Variants in IPO8 observed in about 807,000 individuals in gnomAD.
IPO8 encodes importin 8, also known as importin-8.
IPO8 carries 65 observed loss-of-function variants against 141.2 expected under a neutral mutation model. The ratio of observed to expected loss-of-function variants is 0.46; its 90% CI spans 0.38 to 0.57. The LOEUF is 0.57. Ranked by LOEUF, IPO8 falls within the 20% of genes least tolerant of loss-of-function variation. IPO8 has a pLI of 0.00. For missense variants in IPO8, 980 were observed against 1,246.8 expected, an observed-to-expected ratio of 0.79 and a Z score of 3.22; for synonymous variants, 411 against 420.3, an observed-to-expected ratio of 0.98 and a Z score of 0.27.
Position 30,661,364 on chromosome 12 carries a change from T to C in IPO8, c.1756-98A>G, listed in dbSNP as rs903952370. The C allele has an allele frequency of 3.6e-6, 4 of 1,113,348 alleles. No individual in the cohort carries two copies. The African/African-American group carries it at 6.5e-5, about 18-fold the overall frequency. The allele number at this position is 1,113,348 out of a possible 1,614,324, so 69.0% of individuals were successfully genotyped here. A position where few individuals can be genotyped will look rare whatever the true frequency, so the allele number is the denominator to read the frequency against. The stretch of plus-strand genomic sequence containing the variant: ...ATGGCAGTGTCACACATCTGAAGTC[T>C]GCATTGCTCAAACTTTGAAGTCTGC... On this transcript the variant is annotated intron_variant, in intron 15 of 24. Transcript: ENST00000256079.
At chr12:30,688,975 C>T (rs1365956678) in intron 2 of IPO8, among the ~76,000 whole-genome samples, 2 of 151,972 alleles carry the variant, frequency 1.3e-5, no homozygotes, top group Non-Finnish European at 2.9e-5. Context: ...CCATCAATAT[C>T]AAATCGTTTA....
chr12:30,661,870 T>C (rs1325459442), intron 15 of IPO8, among the ~76,000 whole-genome samples: 1 of 152,216 alleles, frequency 6.6e-6, no homozygotes, highest in African/African-American at 2.4e-5. Context: ...GAAATTATCC[T>C]AAATGTGATT....
intron 16 of IPO8, among the ~76,000 whole-genome samples, chr12:30,659,956 C>T (rs1478009310): frequency 6.6e-6 from 1 of 151,826 alleles, no homozygotes; most frequent in African/African-American, 2.4e-5. Context: ...GGCATGGCGG[C>T]TCATGCCTTT....
At chr12:30,685,920 A>AT (rs1565510801) in intron 2 of IPO8, among the ~76,000 whole-genome samples, 1 of 146,696 alleles carries the variant, frequency 6.8e-6, no homozygotes, top group Admixed American at 6.7e-5. Context: ...AAAAAAAAAA[A>AT]CTAAATTGGG....
chr12:30,681,869 T>C, intron 3 of IPO8, 52 bp from the exon 4 acceptor site: 1 of 1,441,940 alleles, frequency 6.9e-7, no homozygotes, highest in Non-Finnish European at 9.5e-7. Context: ...AAATACTGTG[T>C]TTCAAAGACC....
intron 3 of IPO8, 64 bp from the exon 4 acceptor site, chr12:30,681,881 CTAATATTT>C: frequency 1.5e-6 from 2 of 1,338,104 alleles, no homozygotes; most frequent in Non-Finnish European, 2.0e-6. Flanking sequence ...TCAAAGACCT[CTAATATTT>C]TACATAAAAG....
chr12:30,648,143 T>C (rs934447358), intron 20 of IPO8, among the ~76,000 whole-genome samples: 4 of 152,194 alleles, frequency 2.6e-5, no homozygotes, highest in Admixed American at 2.6e-4. Context: ...CCTAACAGCA[T>C]TATTCATAAT....
chr12:30,671,202 A>G (rs1287713363), intron 8 of IPO8, 106 bp from the exon 9 acceptor site: 1 of 684,328 alleles, frequency 1.5e-6, no homozygotes, highest in East Asian at 2.6e-5. Flanking sequence ...AGAAAAATAA[A>G]CAGATTTGGG....
At chr12:30,666,071 A>T (rs1051137715) in intron 11 of IPO8, 104 bp downstream of exon 11, 22 of 813,114 alleles carry the variant, frequency 2.7e-5, no homozygotes, top group Admixed American at 3.0e-5. Flanking sequence ...GTGACAAATT[A>T]TAACGAATAA....
intron 17 of IPO8, among the ~76,000 whole-genome samples, chr12:30,655,934 T>C (rs968402476): frequency 6.6e-6 from 1 of 152,232 alleles, no homozygotes; most frequent in African/African-American, 2.4e-5. Flanking sequence ...AATGCTTGAA[T>C]ACGATGGAAG....
intron 3 of IPO8, among the ~76,000 whole-genome samples, chr12:30,682,346 T>C (rs183234497): frequency 2.1e-3 from 323 of 152,224 alleles, no homozygotes; most frequent in Non-Finnish European, 3.1e-3. Context: ...TCCAAAGCAG[T>C]CTGAGATACT....
intron 4 of IPO8, among the ~76,000 whole-genome samples, chr12:30,681,342 C>T (rs1278096815): frequency 1.3e-5 from 2 of 152,132 alleles, no homozygotes; most frequent in African/African-American, 4.8e-5. Flanking sequence ...TTAATATACT[C>T]CCTAGAAGAC....
intron 16 of IPO8, among the ~76,000 whole-genome samples, chr12:30,658,046 A>AAGTT (rs1317681301): frequency 1.3e-5 from 2 of 152,220 alleles, no homozygotes; most frequent in African/African-American, 4.8e-5. Context: ...ATTTTAAAAT[A>AAGTT]AGTTAAAATC....
rs537380179 is a variant in IPO8, at chr12:30,670,994, T to C, written c.1012A>G (p.Ile338Val). ...NYLNQGVVHS[I>V]TWKQMKPHIQ... is the part of the protein sequence containing the mutation. ...TGTGGCTTCATCTGCTTCCAGGTTA[T>C]AGAATGAACCACCCCTTGGTTGAGA... The change falls in exon 9 of 25, where the codon ATA (isoleucine) becomes GTA (valine). Residue 338 changes from isoleucine to valine, a missense_variant. By Grantham distance (29) the Ile-to-Val change is conservative. Coordinates refer to ENST00000256079, the MANE Select transcript of IPO8 (RefSeq NM_006390.4). 5.6e-6 allele frequency: 9 copies of C among 1,613,892 alleles called. No homozygotes were observed. Among genetic ancestry groups the C allele is most frequent in the African/African-American group, 4.0e-5 (3 of 75,052 alleles).
chr12:30,677,029 A>G, intron 5 of IPO8: 11 of 1,527,266 alleles, frequency 7.2e-6, no homozygotes, highest in Non-Finnish European at 9.6e-6. Context: ...TTTGTACTAA[A>G]CAGATATATG....
intron 16 of IPO8, among the ~76,000 whole-genome samples, chr12:30,660,336 T>G (rs1249479975): frequency 6.6e-6 from 1 of 152,188 alleles, no homozygotes; most frequent in Non-Finnish European, 1.5e-5. Context: ...ACAGAAGCAA[T>G]GAACAAAAAT....
intron 2 of IPO8, chr12:30,686,661 T>C (rs2053245389): frequency 6.6e-6 from 1 of 152,134 alleles, no homozygotes; most frequent in Non-Finnish European, 1.5e-5. Context: ...AGGATCAATC[T>C]TTGCAAAAAG....
chr12:30,686,653 GATCA>G (rs1162136082), intron 2 of IPO8: 2 of 151,986 alleles, frequency 1.3e-5, no homozygotes, highest in Non-Finnish European at 2.9e-5. Flanking sequence ...GATTTCACAG[GATCA>G]ATCTTTGCAA....
At chr12:30,636,798 A>C (rs970119527) in intron 22 of IPO8, among the ~76,000 whole-genome samples, 184 bp downstream of exon 22, 16 of 152,218 alleles carry the variant, frequency 1.1e-4, no homozygotes, top group African/African-American at 3.6e-4. Flanking sequence ...AAGGTGCATA[A>C]ATCTAAATTT....
Sources: gnomAD v4.1 joint callset for allele counts (sites outside exome capture counted in the v4.1 genomes callset) on GRCh38, gnomAD v4.1.1 for gene constraint, MANE v1.5 for transcripts, NCBI Gene and HGNC (gene_info 2026-07-23, HGNC 2026-07-21) for gene names.